Variants in SH3PXD2A observed in about 807,000 individuals in gnomAD.
SH3PXD2A encodes SH3 and PX domains 2A.
SH3PXD2A carries 32 observed loss-of-function variants against 115.2 expected under a neutral mutation model. The observed-to-expected ratio is 0.28, with a 90% CI of 0.21 to 0.37. The LOEUF (loss-of-function observed/expected upper bound fraction) is 0.37. SH3PXD2A is among the 10% of genes least tolerant of loss of function. The pLI is 1.00. For missense variants in SH3PXD2A, 1,328 were observed against 1,498.7 expected (o/e 0.89, Z 1.88); for synonymous variants, 610 against 629.1 (o/e 0.97, Z 0.45).
At chr10:103,767,614 C>T (rs1053675180) in intron 2 of SH3PXD2A, among the ~76,000 whole-genome samples, 3 of 151,772 alleles carry the variant, frequency 2.0e-5, no homozygotes, top group African/African-American at 7.3e-5. Flanking sequence ...TTTAGACAGA[C>T]CACCCACCTT....
At chr10:103,718,787 A>G (rs1456437196) in intron 5 of SH3PXD2A, among the ~76,000 whole-genome samples, 2 of 150,604 alleles carry the variant, frequency 1.3e-5, no homozygotes, top group Non-Finnish European at 3.0e-5. Flanking sequence ...ACACACACAC[A>G]CACACACACA....
At chr10:103,830,915 T>TA (rs60634814) in intron 1 of SH3PXD2A, among the ~76,000 whole-genome samples, 42,946 of 152,028 alleles carry the variant, frequency 0.28, 7,204 homozygotes, top group East Asian at 0.62. Flanking sequence ...GATGAGGGTT[T>TA]GCAATGGTGA....
At chr10:103,787,920 T>C (rs1381878405) in intron 2 of SH3PXD2A, among the ~76,000 whole-genome samples, 1 of 152,146 alleles carries the variant, frequency 6.6e-6, no homozygotes, top group Non-Finnish European at 1.5e-5. Flanking sequence ...GAGCACCAGA[T>C]CAAGGCTCCA....
At chr10:103,662,386 CTTTT>C (rs571936334) in intron 7 of SH3PXD2A, among the ~76,000 whole-genome samples, 1 of 39,714 alleles carries the variant, frequency 2.5e-5, no homozygotes, top group Non-Finnish European at 4.2e-5. Context: ...ATATGATGTG[CTTTT>C]TTTTTTTTTT....
intron 8 of SH3PXD2A, among the ~76,000 whole-genome samples, chr10:103,656,558 G>A (rs191640063): frequency 3.3e-5 from 5 of 152,282 alleles, no homozygotes; most frequent in Admixed American, 1.3e-4. Context: ...AGCTGGGCGC[G>A]GTGGCTCATG....
chr10:103,778,273 A>G (rs2038899320), intron 2 of SH3PXD2A, among the ~76,000 whole-genome samples: 10 of 152,212 alleles, frequency 6.6e-5, no homozygotes, highest in Admixed American at 5.9e-4. Context: ...CGGAGTTTGC[A>G]GTGAACCGAG....
At chr10:103,843,873 A>G (rs999542550) in intron 1 of SH3PXD2A, among the ~76,000 whole-genome samples, 9 of 152,182 alleles carry the variant, frequency 5.9e-5, no homozygotes, top group Non-Finnish European at 1.3e-4. Flanking sequence ...TTCCTCCCCT[A>G]TAAAACACAG....
At chr10:103,616,851 A>G (rs1182100111) in intron 11 of SH3PXD2A, among the ~76,000 whole-genome samples, 2 of 152,192 alleles carry the variant, frequency 1.3e-5, no homozygotes, top group African/African-American at 4.8e-5. Flanking sequence ...TGTGGAGCAC[A>G]CCAGGCAGCC....
At chr10:103,729,611 T>C (rs947306593) in intron 4 of SH3PXD2A, among the ~76,000 whole-genome samples, 2 of 152,176 alleles carry the variant, frequency 1.3e-5, no homozygotes, top group African/African-American at 4.8e-5. Context: ...ACTATGCAGG[T>C]CCCTGGAGAA....
intron 1 of SH3PXD2A, among the ~76,000 whole-genome samples, chr10:103,840,353 C>T (rs2039585552): frequency 6.6e-6 from 1 of 152,184 alleles, no homozygotes; most frequent in African/African-American, 2.4e-5. Context: ...CCATGTGCTG[C>T]ACTTGTAAAT....
intron 10 of SH3PXD2A, among the ~76,000 whole-genome samples, chr10:103,619,674 G>A (rs3781358): frequency 0.31 from 46,613 of 152,050 alleles, 7,986 homozygotes; most frequent in South Asian, 0.52. Context: ...GGCCATGTAA[G>A]CTCAGGCTTT....
intron 1 of SH3PXD2A, among the ~76,000 whole-genome samples, chr10:103,810,724 G>A (rs1329710865): frequency 6.6e-6 from 1 of 152,154 alleles, no homozygotes; most frequent in African/African-American, 2.4e-5. Flanking sequence ...CACTCAGGAA[G>A]TGAACTGACT....
chr10:103,672,353 C>T (rs909678640), intron 6 of SH3PXD2A, among the ~76,000 whole-genome samples: 3 of 152,244 alleles, frequency 2.0e-5, no homozygotes, highest in African/African-American at 7.2e-5. Flanking sequence ...GCCTATTGCT[C>T]TTGTCTGATG....
intron 8 of SH3PXD2A, among the ~76,000 whole-genome samples, chr10:103,636,830 C>G (rs1187774235): frequency 6.6e-6 from 1 of 152,148 alleles, no homozygotes; most frequent in East Asian, 1.9e-4. Context: ...ACCTCCCAGC[C>G]CTGTTCAGCC....
At chr10:103,646,469 G>A (rs1241973794) in intron 8 of SH3PXD2A, among the ~76,000 whole-genome samples, 1 of 152,164 alleles carries the variant, frequency 6.6e-6, no homozygotes, top group Non-Finnish European at 1.5e-5. Context: ...TCAGGCAGTG[G>A]TGACTGACAC....
chr10:103,767,191 G>A, intron 2 of SH3PXD2A, 22 bp from the exon 3 acceptor site: 1 of 1,596,016 alleles, frequency 6.3e-7, no homozygotes, highest in Non-Finnish European at 8.6e-7. Context: ...GACAGACAGA[G>A]GGACAGGATT....
chr10:103,677,221 G>A (rs2037547292), intron 6 of SH3PXD2A, among the ~76,000 whole-genome samples: 1 of 152,210 alleles, frequency 6.6e-6, no homozygotes, highest in Middle Eastern at 3.2e-3. Context: ...ACTATTTCGG[G>A]AGCATCAACG....
At chr10:103,721,112 C>T (rs2038176696) in intron 5 of SH3PXD2A, among the ~76,000 whole-genome samples, 1 of 152,254 alleles carries the variant, frequency 6.6e-6, no homozygotes, top group South Asian at 2.1e-4. Flanking sequence ...TTCACAGCCC[C>T]TCCCTGCAAA....
intron 3 of SH3PXD2A, among the ~76,000 whole-genome samples, chr10:103,741,834 A>C (rs1564877848): frequency 6.6e-6 from 1 of 152,184 alleles, no homozygotes; most frequent in Non-Finnish European, 1.5e-5. Context: ...AATTACCACA[A>C]ACCCAGTGGC....
Sources: gnomAD v4.1 joint callset for allele counts (sites outside exome capture counted in the v4.1 genomes callset) on GRCh38, gnomAD v4.1.1 for gene constraint, MANE v1.5 for transcripts, NCBI Gene and HGNC (gene_info 2026-07-23, HGNC 2026-07-21) for gene names.